Variants in ACAP2 observed in about 807,000 individuals in gnomAD.
ACAP2 encodes ArfGAP with coiled-coil, ankyrin repeat and PH domains 2.
Under a neutral mutation model 115.8 loss-of-function variants are expected in ACAP2, and 39 were observed. That is an observed-to-expected ratio of 0.34 (90% CI 0.26 to 0.44). ACAP2 has a LOEUF of 0.44. ACAP2 is among the 20% of genes least tolerant of loss of function. The pLI is 1.00. For missense variants in ACAP2, 662 were observed against 927.6 expected (o/e 0.71, Z 3.72); for synonymous variants, 289 against 315.8 (o/e 0.92, Z 0.90).
chr3:195,290,849 T>TAAATAAATAATAAATA (rs1553843260), intron 20 of ACAP2, among the ~76,000 whole-genome samples: 14 of 134,194 alleles, frequency 1.0e-4, no homozygotes, highest in East Asian at 9.2e-4. Context: ...AATAAATAAA[T>TAAATAAATAATAAATA]AATAAATAAA....
At chr3:195,398,498 A>G (rs1711994126) in intron 1 of ACAP2, among the ~76,000 whole-genome samples, 1 of 152,042 alleles carries the variant, frequency 6.6e-6, no homozygotes, top group Admixed American at 6.6e-5. Flanking sequence ...TGCGCCAGGC[A>G]TGGTGGCGCA....
chr3:195,282,785 T>A (rs529609980), intron 22 of ACAP2: 1 of 152,202 alleles, frequency 6.6e-6, no homozygotes, highest in Non-Finnish European at 1.5e-5. Context: ...ACAGTTAACT[T>A]TTCTATGTGC....
At chr3:195,312,342 C>T (rs1020721485) in intron 10 of ACAP2, among the ~76,000 whole-genome samples, 2 of 152,164 alleles carry the variant, frequency 1.3e-5, no homozygotes, top group African/African-American at 4.8e-5. Flanking sequence ...AGGTAACGAA[C>T]TGACAATGTA....
At chr3:195,307,427 A>T (rs1728494526) in intron 11 of ACAP2, 104 bp from the exon 12 acceptor site, 1 of 689,420 alleles carries the variant, frequency 1.5e-6, no homozygotes, top group Non-Finnish European at 2.4e-6. Flanking sequence ...TCTAATTTTC[A>T]AGATTTATAT....
intron 1 of ACAP2, among the ~76,000 whole-genome samples, chr3:195,417,078 ATTTTTTTTTTTT>A (rs11293878): frequency 2.7e-5 from 3 of 109,548 alleles, no homozygotes; most frequent in Non-Finnish European, 5.3e-5. Flanking sequence ...TGCCTGGCTA[ATTTTTTTTTTTT>A]TTTTTTTTTT....
intron 1 of ACAP2, among the ~76,000 whole-genome samples, chr3:195,414,339 G>A (rs1291572773): frequency 1.3e-5 from 2 of 152,188 alleles, no homozygotes; most frequent in Non-Finnish European, 2.9e-5. Flanking sequence ...GAACTCCTGA[G>A]TTAATGTGAT....
At chr3:195,383,012 T>C (rs1734053204) in intron 2 of ACAP2, among the ~76,000 whole-genome samples, 1 of 152,040 alleles carries the variant, frequency 6.6e-6, no homozygotes, top group South Asian at 2.1e-4. Flanking sequence ...AGAGGGGAGG[T>C]ATATAATATG....
intron 4 of ACAP2, among the ~76,000 whole-genome samples, chr3:195,355,142 A>C (rs764547221): frequency 6.6e-6 from 1 of 152,198 alleles, no homozygotes; most frequent in Non-Finnish European, 1.5e-5. Context: ...CACTGTGCCC[A>C]GCCACAATAA....
At chr3:195,305,413 T>C (rs542741724) in intron 13 of ACAP2, among the ~76,000 whole-genome samples, 2 of 152,290 alleles carry the variant, frequency 1.3e-5, no homozygotes, top group Admixed American at 6.5e-5. Flanking sequence ...AATCTTAAAA[T>C]ATCCAACCAA....
chr3:195,426,038 T>C (rs1330716051), intron 1 of ACAP2, among the ~76,000 whole-genome samples: 1 of 152,208 alleles, frequency 6.6e-6, no homozygotes, highest in Non-Finnish European at 1.5e-5. Flanking sequence ...TGCTTCCTAT[T>C]GCACTAACCA....
In ACAP2 at chr3:195,292,273, C is replaced by A; in HGVS notation, c.1945G>T (p.Val649Leu). The A allele has an allele frequency of 6.3e-7, 1 of 1,590,026 alleles. No homozygotes were observed. Among genetic ancestry groups the A allele is most frequent in the Non-Finnish European group, 8.5e-7 (1 of 1,173,790 alleles). ...ATTGTATAAACGCATACCCCTAATA[C>A]AGCCTGAATAAGTGGTGTCGCTTTG... ...ENKATPLIQAVLGGSLVTCEF... is the reference protein window; with the variant it reads ...ENKATPLIQALLGGSLVTCEF... Residue 649 changes from valine (V) to leucine (L), a missense_variant, in exon 19 of 23, where the codon GTA becomes TTA. By Grantham distance (32) the Val-to-Leu change is conservative. This residue lies in a region of ACAP2 where 128 missense variants were observed against 200.2 expected (regional missense o/e 0.64). Transcript: ENST00000326793.
In ACAP2 at chr3:195,381,972, A is replaced by G. The variant is rs764238060; in HGVS notation, c.162T>C (p.Val54=). 9 of 1,612,502 alleles carry G rather than the reference A, an allele frequency of 5.6e-6. No homozygotes were observed. Among genetic ancestry groups the G allele is most frequent in the Middle Eastern group, 1.7e-4 (1 of 6,056 alleles). ...AMIDTGKAFC[V]ANKQFMNGIR... Reference sequence around the variant, plus strand: ...TCCCATTCATGAACTGTTTATTTGCAACACAAAAGGCTTTTCCAGTATCAA... The same window carrying G: ...TCCCATTCATGAACTGTTTATTTGCGACACAAAAGGCTTTTCCAGTATCAA... Residue 54 remains valine (V), a synonymous_variant, in exon 3 of 23, where the codon GTT becomes GTC. Coordinates refer to ENST00000326793, the MANE Select transcript of ACAP2 (RefSeq NM_012287.6).
chr3:195,345,204 T>C, intron 5 of ACAP2, 55 bp downstream of exon 5: 1 of 1,187,176 alleles, frequency 8.4e-7, no homozygotes. Context: ...ATACGAATTC[T>C]CAGATTGATC....
At chr3:195,381,313 G>A (rs530825623) in intron 3 of ACAP2, among the ~76,000 whole-genome samples, 45 of 152,208 alleles carry the variant, frequency 3.0e-4, no homozygotes, top group African/African-American at 1.0e-3. Context: ...GCTAACAATA[G>A]AAATGGTAAA....
intron 1 of ACAP2, chr3:195,410,929 C>T (rs1713208211): frequency 3.1e-6 from 1 of 327,864 alleles, no homozygotes; most frequent in East Asian, 1.1e-4. Flanking sequence ...CAACAAGGTG[C>T]CATCTTGAAA....
intron 4 of ACAP2, among the ~76,000 whole-genome samples, chr3:195,369,706 C>T (rs554520446): frequency 2.7e-4 from 41 of 152,310 alleles, no homozygotes; most frequent in African/African-American, 9.9e-4. Context: ...GTGAACAGTG[C>T]TGCAATGAAC....
intron 7 of ACAP2, 199 bp downstream of exon 7, chr3:195,336,733 C>G (rs374174421): frequency 2.9e-5 from 17 of 584,920 alleles, no homozygotes; most frequent in East Asian, 1.2e-4. Flanking sequence ...AGTGTATCAA[C>G]AGATGAGACA....
At chr3:195,431,520 C>T (rs1235013585) in intron 1 of ACAP2, among the ~76,000 whole-genome samples, 1 of 152,030 alleles carries the variant, frequency 6.6e-6, no homozygotes, top group African/African-American at 2.4e-5. Flanking sequence ...TCACTGCAAG[C>T]TCCACCTCCT....
At chr3:195,325,307 A>T (rs1560244690) in intron 9 of ACAP2, 3 of 408,376 alleles carry the variant, frequency 7.3e-6, no homozygotes, top group Non-Finnish European at 1.4e-5. Flanking sequence ...ACGTATCTGC[A>T]CATGAATGTT....
Sources: gnomAD v4.1 joint callset for allele counts (sites outside exome capture counted in the v4.1 genomes callset) on GRCh38, gnomAD v4.1.1 for gene constraint, gnomAD v4.1.1 regional missense constraint, MANE v1.5 for transcripts, NCBI Gene and HGNC (gene_info 2026-07-23, HGNC 2026-07-21) for gene names.